Variants in SCFD2 observed in about 807,000 individuals in gnomAD.
SCFD2 encodes sec1 family domain containing 2.
SCFD2 carries 54 observed loss-of-function variants against 58.9 expected under a neutral mutation model. The observed-to-expected ratio is 0.92, with a 90% CI of 0.74 to 1.15. SCFD2 has a LOEUF of 1.15. Ranked by LOEUF, SCFD2 falls within the 50% of genes most tolerant of loss-of-function variation. SCFD2 has a pLI of 0.00. For synonymous variants in SCFD2, 321 were observed against 335.9 expected (o/e 0.96, Z 0.49); for missense variants, 805 against 836.6 (o/e 0.96, Z 0.47).
At chr4:52,951,342 G>A (rs1024088160) in intron 5 of SCFD2, among the ~76,000 whole-genome samples, 13 of 152,120 alleles carry the variant, frequency 8.5e-5, no homozygotes, top group Admixed American at 6.5e-5. Context: ...AAACACTGAC[G>A]ACTAAATCTA....
chr4:52,889,936 G>C (rs1037713259), intron 7 of SCFD2, among the ~76,000 whole-genome samples: 1 of 152,182 alleles, frequency 6.6e-6, no homozygotes, highest in African/African-American at 2.4e-5. Flanking sequence ...GTTTTGGCCT[G>C]TTTGTGCTTA....
intron 2 of SCFD2, among the ~76,000 whole-genome samples, chr4:53,315,384 C>T (rs1215939196): frequency 2.0e-5 from 3 of 151,940 alleles, no homozygotes; most frequent in African/African-American, 4.8e-5. Flanking sequence ...CCAAGGTGCA[C>T]GGGGAGGGGC....
intron 4 of SCFD2, among the ~76,000 whole-genome samples, chr4:53,230,724 A>C (rs1729410336): frequency 6.6e-6 from 1 of 152,134 alleles, no homozygotes; most frequent in Non-Finnish European, 1.5e-5. Flanking sequence ...ATACATATGT[A>C]ACAAACCTGC....
chr4:53,190,645 T>C (rs577114313), intron 4 of SCFD2, among the ~76,000 whole-genome samples: 20 of 152,340 alleles, frequency 1.3e-4, no homozygotes, highest in African/African-American at 4.1e-4. Context: ...TGTCTTCCCA[T>C]ACTAAAAGAT....
intron 5 of SCFD2, among the ~76,000 whole-genome samples, chr4:52,987,948 A>G (rs540481785): frequency 4.6e-5 from 7 of 152,240 alleles, no homozygotes; most frequent in South Asian, 2.1e-4. Context: ...AGATCCTACC[A>G]AAGTGCATAT....
intron 3 of SCFD2, among the ~76,000 whole-genome samples, chr4:53,301,925 T>C (rs1350715319): frequency 1.3e-5 from 2 of 152,084 alleles, no homozygotes; most frequent in Non-Finnish European, 2.9e-5. Context: ...AAACTCTCAA[T>C]AAATTAGGTA....
intron 4 of SCFD2, among the ~76,000 whole-genome samples, chr4:53,222,560 G>A (rs75760465): frequency 6.6e-6 from 1 of 152,090 alleles, no homozygotes; most frequent in Non-Finnish European, 1.5e-5. Context: ...GACAGTTCTA[G>A]GGAAAACAAG....
At chr4:53,280,742 T>G (rs1731483358) in intron 3 of SCFD2, among the ~76,000 whole-genome samples, 1 of 152,204 alleles carries the variant, frequency 6.6e-6, no homozygotes, top group Non-Finnish European at 1.5e-5. Context: ...TTCATTTTTC[T>G]CCTTTTCAAT....
At chr4:53,196,399 A>T (rs1728057383) in intron 4 of SCFD2, among the ~76,000 whole-genome samples, 1 of 152,190 alleles carries the variant, frequency 6.6e-6, no homozygotes. Flanking sequence ...TCCTACTTGC[A>T]GTCCACATTT....
chr4:53,177,197 A>T (rs1167787071), intron 4 of SCFD2, among the ~76,000 whole-genome samples: 1 of 152,220 alleles, frequency 6.6e-6, no homozygotes, highest in Non-Finnish European at 1.5e-5. Flanking sequence ...ATCCCCTTAT[A>T]AAGCTTAGAG....
At position 53,223,413 on chromosome 4, in the gene SCFD2, T is replaced by C. The variant is rs538351512; in HGVS notation, c.1311+50413A>G. 1.1e-4 allele frequency among the ~76,000 whole-genome samples: 17 copies of C among 152,336 alleles called. No homozygotes were observed. In the East Asian group the frequency reaches 3.1e-3, roughly 28 times the overall value. ...GGACCTGTATATTCTGTTTCTTGGT[T>C]ATCTCTGGAATGTAATTCTTCCCCT... is the stretch of plus-strand genomic sequence containing the variant. On this transcript the variant is annotated intron_variant, in intron 4 of 8. Transcript: ENST00000401642.
chr4:53,214,775 T>C (rs1728755580), intron 4 of SCFD2, among the ~76,000 whole-genome samples: 1 of 152,170 alleles, frequency 6.6e-6, no homozygotes, highest in South Asian at 2.1e-4. Context: ...CTAGGGTTTT[T>C]ATGGTTTTAG....
At chr4:53,223,739 A>G (rs542223440) in intron 4 of SCFD2, among the ~76,000 whole-genome samples, 1 of 152,356 alleles carries the variant, frequency 6.6e-6, no homozygotes, top group South Asian at 2.1e-4. Context: ...CTTTTCTAAC[A>G]TAAAAGAACT....
At chr4:52,886,559 A>G (rs1463334158) in intron 7 of SCFD2, among the ~76,000 whole-genome samples, 1 of 152,220 alleles carries the variant, frequency 6.6e-6, no homozygotes, top group Non-Finnish European at 1.5e-5. Flanking sequence ...CAGTGGGCCG[A>G]GTAGGTGGGG....
chr4:53,253,204 A>C (rs1730465079), intron 4 of SCFD2, among the ~76,000 whole-genome samples: 2 of 152,242 alleles, frequency 1.3e-5, no homozygotes, highest in Admixed American at 6.5e-5. Flanking sequence ...ATCTCCCACC[A>C]GTTAGAATGG....
intron 4 of SCFD2, among the ~76,000 whole-genome samples, chr4:53,198,440 TA>T (rs1728125011): frequency 6.6e-6 from 1 of 151,986 alleles, no homozygotes; most frequent in Non-Finnish European, 1.5e-5. Flanking sequence ...CATAATCTAA[TA>T]TTTTAAATGT....
chr4:53,323,080 A>G (rs1733074082), intron 2 of SCFD2, among the ~76,000 whole-genome samples: 2 of 152,244 alleles, frequency 1.3e-5, no homozygotes, highest in Non-Finnish European at 2.9e-5. Flanking sequence ...TTGGTAGGTG[A>G]CACCATTGTG....
At position 53,207,508 on chromosome 4, in the gene SCFD2, ATATATATTATATATATAATATT is replaced by A. The variant is rs1292177920; in HGVS notation, c.1312-61948_1312-61927del. ...TATATATATTTCATATATATATATT[ATATATATTATATATATAATATT>A]TATATATTATATATATAATATTTAT... On this transcript the variant is annotated intron_variant, in intron 4 of 8. Transcript: ENST00000401642. 8.3e-4 allele frequency among the ~76,000 whole-genome samples: 10 copies of A among 12,112 alleles called. No individual in the cohort carries two copies. In the South Asian group the frequency reaches 0.027, roughly 32 times the overall value. The allele number at this position is 12,112 out of a possible 152,430, so 7.9% of individuals were successfully genotyped here.
At chr4:53,147,939 T>C (rs759331819) in intron 4 of SCFD2, among the ~76,000 whole-genome samples, 2 of 152,210 alleles carry the variant, frequency 1.3e-5, no homozygotes, top group Non-Finnish European at 1.5e-5. Flanking sequence ...CTTTGCTTTA[T>C]AAGCTGCCAA....
Sources: gnomAD v4.1 joint callset for allele counts (sites outside exome capture counted in the v4.1 genomes callset) on GRCh38, gnomAD v4.1.1 for gene constraint, MANE v1.5 for transcripts, NCBI Gene and HGNC (gene_info 2026-07-23, HGNC 2026-07-21) for gene names.